Variants in TNS3 observed in about 807,000 individuals in gnomAD.
TNS3 encodes tensin 3.
TNS3 carries 45 observed loss-of-function variants against 140.9 expected under a neutral mutation model. The ratio of observed to expected loss-of-function variants is 0.32; its 90% CI spans 0.25 to 0.41. The LOEUF (loss-of-function observed/expected upper bound fraction) is 0.41, where lower values mean the gene tolerates loss of function less well. TNS3 is among the 10% of genes least tolerant of loss of function. TNS3 has a pLI of 1.00. For synonymous variants in TNS3, 815 were observed against 788.4 expected, an observed-to-expected ratio of 1.03 and a Z score of -0.56; for missense variants, 1,716 against 1,906.7, an observed-to-expected ratio of 0.90 and a Z score of 1.86.
At chr7:47,347,288 T>C (rs898401938) in intron 17 of TNS3, among the ~76,000 whole-genome samples, 14 of 152,142 alleles carry the variant, frequency 9.2e-5, no homozygotes, top group Admixed American at 1.3e-4. Flanking sequence ...TTGTTCCAAA[T>C]TGGTTGATGG....
intron 1 of TNS3, among the ~76,000 whole-genome samples, chr7:47,548,075 T>C (rs1352111578): frequency 6.6e-6 from 1 of 152,182 alleles, no homozygotes; most frequent in Non-Finnish European, 1.5e-5. Context: ...TAATTTTGTA[T>C]TTTTAGTAGT....
At chr7:47,331,248 G>A (rs775937556) in intron 20 of TNS3, among the ~76,000 whole-genome samples, 1 of 152,146 alleles carries the variant, frequency 6.6e-6, no homozygotes, top group Admixed American at 6.5e-5. Context: ...AACTAAGAGG[G>A]ATACTAGAAT....
intron 5 of TNS3, among the ~76,000 whole-genome samples, chr7:47,440,926 C>A (rs1207397941): frequency 6.6e-6 from 1 of 152,116 alleles, no homozygotes; most frequent in Non-Finnish European, 1.5e-5. Context: ...CCTCCATGTA[C>A]CCACATCACC....
chr7:47,306,425 T>A (rs1394279553), intron 20 of TNS3, among the ~76,000 whole-genome samples: 1 of 152,226 alleles, frequency 6.6e-6, no homozygotes, highest in East Asian at 1.9e-4. Flanking sequence ...ACAAGCTCCA[T>A]CTCTACCAAG....
Position 47,536,886 on chromosome 7 carries a change from A to T in TNS3, c.-264-7739T>A, listed in dbSNP as rs146045216. On this transcript the variant is annotated intron_variant, in intron 1 of 30. Coordinates refer to ENST00000311160, the MANE Select transcript of TNS3 (RefSeq NM_022748.12). Reference sequence around the variant, plus strand: ...TACGCGCACTGACAAGGGCACACGCATACACATGAGCACAAGCGGGTACAC... The same window carrying T: ...TACGCGCACTGACAAGGGCACACGCTTACACATGAGCACAAGCGGGTACAC... Among the ~76,000 whole-genome samples, 700 of 152,304 alleles carry T rather than the reference A, an allele frequency of 4.6e-3. 4 individuals are homozygous for T. Among genetic ancestry groups the T allele is most frequent in the African/African-American group, 0.016 (657 of 41,582 alleles).
intron 3 of TNS3, among the ~76,000 whole-genome samples, chr7:47,496,722 C>T (rs1422874278): frequency 6.6e-6 from 1 of 152,202 alleles, no homozygotes; most frequent in Admixed American, 6.5e-5. Flanking sequence ...ACCTGCTCGT[C>T]AGGGGCTTGT....
intron 2 of TNS3, among the ~76,000 whole-genome samples, chr7:47,515,812 C>T (rs1342682385): frequency 6.6e-6 from 1 of 152,238 alleles, no homozygotes; most frequent in African/African-American, 2.4e-5. Context: ...ATATCATTAT[C>T]ACCATCGTCA....
At chr7:47,484,409 C>G (rs1797536002) in intron 3 of TNS3, among the ~76,000 whole-genome samples, 1 of 152,122 alleles carries the variant, frequency 6.6e-6, no homozygotes, top group South Asian at 2.1e-4. Context: ...ACAGGAAGTC[C>G]CTGAAAAGAG....
At chr7:47,500,614 A>G (rs965519026) in intron 3 of TNS3, among the ~76,000 whole-genome samples, 3 of 152,224 alleles carry the variant, frequency 2.0e-5, no homozygotes, top group Admixed American at 2.0e-4. Context: ...GATGTATCTC[A>G]TGACATCCCT....
At chr7:47,403,032 G>A (rs1407380212) in intron 13 of TNS3, among the ~76,000 whole-genome samples, 5 of 152,162 alleles carry the variant, frequency 3.3e-5, no homozygotes, top group Non-Finnish European at 5.9e-5. Flanking sequence ...AACAGAGGGA[G>A]CTGTGGGCTC....
At chr7:47,393,129 A>C (rs1301719991) in intron 16 of TNS3, among the ~76,000 whole-genome samples, 2 of 152,242 alleles carry the variant, frequency 1.3e-5, no homozygotes, top group African/African-American at 2.4e-5. Flanking sequence ...GGCTGATCCT[A>C]CTATGAGAAA....
At chr7:47,420,555 G>A (rs1473672724) in intron 10 of TNS3, among the ~76,000 whole-genome samples, 2 of 152,146 alleles carry the variant, frequency 1.3e-5, no homozygotes, top group African/African-American at 2.4e-5. Flanking sequence ...CAAGCAAAAG[G>A]AGGGCACTAT....
intron 20 of TNS3, among the ~76,000 whole-genome samples, chr7:47,318,651 G>C (rs1787550939): frequency 6.6e-6 from 1 of 152,152 alleles, no homozygotes; most frequent in Non-Finnish European, 1.5e-5. Context: ...CACAAACAGA[G>C]GAAGTATTGC....
intron 16 of TNS3, among the ~76,000 whole-genome samples, chr7:47,373,766 G>A (rs540055591): frequency 4.6e-5 from 7 of 152,326 alleles, no homozygotes; most frequent in South Asian, 2.1e-4. Context: ...TCTGACACCC[G>A]GTGAATATTG....
intron 4 of TNS3, among the ~76,000 whole-genome samples, chr7:47,447,315 C>T (rs189068849): frequency 1.3e-5 from 2 of 151,994 alleles, no homozygotes; most frequent in African/African-American, 4.8e-5. Context: ...GCTCTGTTGC[C>T]CAGGACAGAG....
chr7:47,550,423 C>T (rs1190240996), intron 1 of TNS3, among the ~76,000 whole-genome samples: 3 of 152,200 alleles, frequency 2.0e-5, no homozygotes, highest in Admixed American at 6.5e-5. Context: ...TCCTGTAAGG[C>T]GGTAACCTTG....
intron 1 of TNS3, among the ~76,000 whole-genome samples, chr7:47,574,095 C>T (rs1005780007): frequency 6.6e-6 from 1 of 152,064 alleles, no homozygotes; most frequent in Non-Finnish European, 1.5e-5. Flanking sequence ...GAAAAGCAGC[C>T]GAGGAAACCC....
chr7:47,565,229 C>G (rs574308579), intron 1 of TNS3, among the ~76,000 whole-genome samples: 1 of 151,960 alleles, frequency 6.6e-6, no homozygotes, highest in African/African-American at 2.4e-5. Flanking sequence ...AGGCGCCCAC[C>G]ACCAAGCCCG....
intron 20 of TNS3, among the ~76,000 whole-genome samples, chr7:47,341,094 A>C (rs983427113): frequency 6.6e-6 from 1 of 152,180 alleles, no homozygotes; most frequent in African/African-American, 2.4e-5. Context: ...AATATGTCCC[A>C]TTTGGCTACA....
Sources: gnomAD v4.1 joint callset for allele counts (sites outside exome capture counted in the v4.1 genomes callset) on GRCh38, gnomAD v4.1.1 for gene constraint, MANE v1.5 for transcripts, NCBI Gene and HGNC (gene_info 2026-07-23, HGNC 2026-07-21) for gene names.